Variants in MARCHF7 observed in about 807,000 individuals in gnomAD.
MARCHF7 encodes membrane associated ring-CH-type finger 7, also known as E3 ubiquitin-protein ligase MARCHF7.
Under a neutral mutation model 76.5 loss-of-function variants are expected in MARCHF7, and 20 were observed. The observed-to-expected ratio is 0.26, with a 90% CI of 0.18 to 0.38. MARCHF7 has a LOEUF of 0.38. Among genes scored for constraint, MARCHF7 ranks in the 10% least tolerant of loss-of-function variants. The pLI is 1.00. For missense variants in MARCHF7, 797 were observed against 812.9 expected, an observed-to-expected ratio of 0.98 and a Z score of 0.24; for synonymous variants, 295 against 293.0, an observed-to-expected ratio of 1.01 and a Z score of -0.07.
At chr2:159,722,861 C>T (rs918361467) in intron 3 of MARCHF7, among the ~76,000 whole-genome samples, 1 of 152,182 alleles carries the variant, frequency 6.6e-6, no homozygotes, top group Non-Finnish European at 1.5e-5. Context: ...TCAAAGGACT[C>T]TGCCTCTTTG....
chr2:159,767,301 G>T lies in MARCHF7; in HGVS notation c.2074G>T (p.Glu692Ter), dbSNP rs375839668. The T allele has an allele frequency of 1.2e-6, 2 of 1,610,832 alleles. No individual in the cohort carries two copies. Among genetic ancestry groups the T allele is most frequent in the Non-Finnish European group, 1.7e-6 (2 of 1,177,992 alleles). The change falls in exon 12 of 12, where the codon GAA becomes TAA. Residue 692 changes from glutamate to a stop codon, truncating the protein, a stop_gained. Transcript: ENST00000409175. LOFTEE classifies it high-confidence loss of function. ...TTCAACAGCTTCAGAGGATGATTCC[G>T]AAGAAGACGGAGACCATAACAGGAC... Reference protein sequence around the residue: ...EDLETSEDDSEEDGDHNRTFD... With the variant: ...EDLETSEDDS
intron 5 of MARCHF7, 107 bp downstream of exon 5, chr2:159,743,360 TCA>T (rs1704378875): frequency 9.8e-7 from 1 of 1,022,368 alleles, no homozygotes; most frequent in East Asian, 2.6e-5. Flanking sequence ...AGACAGTGGG[TCA>T]GAAATGTAGT....
intron 8 of MARCHF7, among the ~76,000 whole-genome samples, chr2:159,753,499 C>T (rs1360388503): frequency 4.6e-5 from 7 of 151,296 alleles, no homozygotes; most frequent in African/African-American, 1.2e-4. Flanking sequence ...TGCAGTGAGC[C>T]GAGATTGCGC....
intron 8 of MARCHF7, among the ~76,000 whole-genome samples, chr2:159,757,570 G>T (rs190445736): frequency 4.3e-4 from 65 of 152,314 alleles, no homozygotes; most frequent in African/African-American, 1.4e-3. Flanking sequence ...TTGAGCCCAT[G>T]AGCTAGAGGC....
intron 10 of MARCHF7, among the ~76,000 whole-genome samples, 183 bp from the exon 11 acceptor site, chr2:159,764,443 A>G (rs577384166): frequency 6.6e-6 from 1 of 152,192 alleles, no homozygotes; most frequent in Non-Finnish European, 1.5e-5. Context: ...AGATTATATA[A>G]AACATTTAAA....
chr2:159,747,790 TC>T lies in MARCHF7; in HGVS notation c.515-13del, dbSNP rs1361170030. 2.2e-5 allele frequency: 34 copies of T among 1,545,658 alleles called. No homozygotes were observed. The highest frequency in any genetic ancestry group is 3.0e-5 in the Non-Finnish European group (34 of 1,151,402). On this transcript the variant is annotated splice_polypyrimidine_tract_variant and intron_variant, in intron 6 of 11. Coordinates refer to ENST00000409175, the MANE Select transcript of MARCHF7 (RefSeq NM_001282805.2). ...AATTATTTCATGTAATTGGTTATCT[TC>T]CTTTCAAAAATAGATGTTCAAGACA...
chr2:159,718,741 T>C (rs776008705), intron 3 of MARCHF7, among the ~76,000 whole-genome samples: 1 of 152,204 alleles, frequency 6.6e-6, no homozygotes, highest in Non-Finnish European at 1.5e-5. Flanking sequence ...TTCCTCCTAA[T>C]GTTCTCTTAA....
chr2:159,750,765 GAAAAGACTT>G (rs1212916404), intron 7 of MARCHF7, among the ~76,000 whole-genome samples: 5 of 151,614 alleles, frequency 3.3e-5, no homozygotes, highest in African/African-American at 1.2e-4. Context: ...CTTGGAGGAA[GAAAAGACTT>G]ATATAAAGTT....
At chr2:159,746,929 CT>C (rs1291255823) in intron 6 of MARCHF7, among the ~76,000 whole-genome samples, 1 of 152,066 alleles carries the variant, frequency 6.6e-6, no homozygotes, top group African/African-American at 2.4e-5. Flanking sequence ...GATGGTAGAG[CT>C]TTAGTAGACA....
At chr2:159,765,854 C>T (rs9784044) in intron 11 of MARCHF7, among the ~76,000 whole-genome samples, 52,351 of 151,880 alleles carry the variant, frequency 0.34, 9,227 homozygotes, top group South Asian at 0.44. Context: ...AAAATTTTTT[C>T]CCTTTATACC....
Position 159,733,977 on chromosome 2 carries a change from G to C in MARCHF7, c.153+4802G>C, listed in dbSNP as rs764280421. ...CAGTTCTCAGCCATTTGTAAGCTGC[G>C]CTTCACCTGCTACTAATCTTGCTGT... On this transcript the variant is annotated intron_variant, in intron 4 of 11. Coordinates refer to ENST00000409175, the MANE Select transcript of MARCHF7 (RefSeq NM_001282805.2). 11 of 1,303,580 alleles carry C rather than the reference G, an allele frequency of 8.4e-6. No individual in the cohort carries two copies. In the African/African-American group the frequency reaches 1.6e-4, roughly 19 times the overall value. The allele number at this position is 1,303,580 out of a possible 1,614,324, so 80.8% of individuals were successfully genotyped here. A position where few individuals can be genotyped will look rare whatever the true frequency, so the allele number is the denominator to read the frequency against.
At chr2:159,756,274 G>C (rs1196585263) in intron 8 of MARCHF7, among the ~76,000 whole-genome samples, 1 of 152,190 alleles carries the variant, frequency 6.6e-6, no homozygotes, top group African/African-American at 2.4e-5. Flanking sequence ...TTTGAAGTTA[G>C]ACAAGCCCAG....
At chr2:159,760,044 T>G (rs1295091216) in intron 9 of MARCHF7, among the ~76,000 whole-genome samples, 1 of 152,246 alleles carries the variant, frequency 6.6e-6, no homozygotes, top group African/African-American at 2.4e-5. Context: ...AGCCGCCATC[T>G]CTGTTTAGTT....
At chr2:159,713,289 A>T (rs1700492643) in intron 1 of MARCHF7, among the ~76,000 whole-genome samples, 1 of 152,188 alleles carries the variant, frequency 6.6e-6, no homozygotes, top group African/African-American at 2.4e-5. Context: ...CGGGAGTAGG[A>T]AACTCCCTCA....
intron 3 of MARCHF7, among the ~76,000 whole-genome samples, chr2:159,725,697 T>TA (rs1257311625): frequency 2.6e-5 from 4 of 152,232 alleles, no homozygotes. Flanking sequence ...TGCAACATCT[T>TA]AAAGTTTTGT....
intron 5 of MARCHF7, among the ~76,000 whole-genome samples, chr2:159,744,008 G>C (rs1704515425): frequency 1.7e-5 from 1 of 59,570 alleles, no homozygotes; most frequent in Non-Finnish European, 3.8e-5. Flanking sequence ...TTTTTTTGGA[G>C]ACGGAGTCTC....
At chr2:159,730,512 T>C (rs940151644) in intron 4 of MARCHF7, among the ~76,000 whole-genome samples, 3 of 152,234 alleles carry the variant, frequency 2.0e-5, no homozygotes, top group Non-Finnish European at 2.9e-5. Flanking sequence ...CATTTCTTAA[T>C]TGACTTTATA....
chr2:159,724,592 ATCTCATTTTAAC>A (rs1701962535), intron 3 of MARCHF7, among the ~76,000 whole-genome samples: 1 of 152,172 alleles, frequency 6.6e-6, no homozygotes, highest in Non-Finnish European at 1.5e-5. Context: ...ATTTCAGTAT[ATCTCATTTTAAC>A]AAGTATATGG....
chr2:159,732,104 A>G (rs1456578254), intron 4 of MARCHF7, among the ~76,000 whole-genome samples: 3 of 151,672 alleles, frequency 2.0e-5, no homozygotes, highest in African/African-American at 7.3e-5. Context: ...ACTCTGTCTC[A>G]AAAAAAACAA....
Sources: gnomAD v4.1 joint callset for allele counts (sites outside exome capture counted in the v4.1 genomes callset) on GRCh38, gnomAD v4.1.1 for gene constraint, MANE v1.5 for transcripts, NCBI Gene and HGNC (gene_info 2026-07-23, HGNC 2026-07-21) for gene names.